The following ELP1 variants were observed in gnomAD, a reference collection of about 807,000 sequenced individuals.
ELP1 encodes elongator acetyltransferase complex subunit 1.
Under a neutral mutation model 183.2 loss-of-function variants are expected in ELP1, and 131 were observed. That is an observed-to-expected ratio of 0.72 (90% CI 0.62 to 0.83). ELP1 has a LOEUF of 0.83. Among genes scored for constraint, ELP1 ranks in the 40% least tolerant of loss-of-function variants. ELP1 has a pLI of 0.00. For missense variants in ELP1, 1,550 were observed against 1,594.9 expected (o/e 0.97, Z 0.48); for synonymous variants, 555 against 569.0 (o/e 0.98, Z 0.35).
intron 27 of ELP1, 134 bp from the exon 28 acceptor site, chr9:108,891,538 A>T (rs1564080357): frequency 1.3e-6 from 1 of 771,642 alleles, no homozygotes; most frequent in African/African-American, 1.7e-5. Context: ...ACAGTTGATC[A>T]GTTAGTACAG....
chr9:108,878,611 C>T lies in ELP1; in HGVS notation c.3700+12G>A. 1.2e-6 allele frequency: 2 copies of T among 1,614,200 alleles called. No homozygotes were observed. On this transcript the variant is annotated intron_variant, in intron 34 of 36. Transcript: ENST00000374647. ...TTGTGGTCAGGAATCATCATCAGGACTGAGAATATACCTTTCAGGTTTTCA... is the reference window on the plus strand; with the variant it reads ...TTGTGGTCAGGAATCATCATCAGGATTGAGAATATACCTTTCAGGTTTTCA...
chr9:108,917,725 G>T, intron 8 of ELP1, 55 bp from the exon 9 acceptor site: 1 of 1,593,164 alleles, frequency 6.3e-7, no homozygotes. Context: ...CTAAAGAATA[G>T]ATAAAATCCA....
intron 6 of ELP1, 87 bp downstream of exon 6, chr9:108,922,755 A>C: frequency 6.4e-6 from 6 of 931,714 alleles, no homozygotes; most frequent in Non-Finnish European, 1.1e-5. Context: ...CATTACTGGC[A>C]TCTAAGTGGA....
chr9:108,894,511 C>A (rs932787152), intron 25 of ELP1, among the ~76,000 whole-genome samples: 3 of 152,226 alleles, frequency 2.0e-5, no homozygotes, highest in Non-Finnish European at 4.4e-5. Flanking sequence ...GTGCAAGGGT[C>A]AGCTGAACAT....
At chr9:108,890,737 T>C (rs929919735) in intron 28 of ELP1, among the ~76,000 whole-genome samples, 1 of 152,216 alleles carries the variant, frequency 6.6e-6, no homozygotes, top group South Asian at 2.1e-4. Context: ...AATGGACCCA[T>C]CCAAAAATTC....
rs1829113255 is a variant in ELP1, at chr9:108,908,950, T to C, written c.1361-546A>G. Among the ~76,000 whole-genome samples the C allele has an allele frequency of 2.0e-5, 3 of 152,118 alleles. No homozygotes were observed. The South Asian group carries it at 6.2e-4, about 32-fold the overall frequency. ...CTCTGCTGCAGCCACCCTGGCCTCCTGGCTATTTCCTAAACACAACAGGCA... is the reference window on the plus strand; with the variant it reads ...CTCTGCTGCAGCCACCCTGGCCTCCCGGCTATTTCCTAAACACAACAGGCA... On this transcript the variant is annotated intron_variant, in intron 12 of 36. Transcript: ENST00000374647.
chr9:108,914,678 C>T (rs1248602325), intron 10 of ELP1, among the ~76,000 whole-genome samples: 5 of 152,056 alleles, frequency 3.3e-5, no homozygotes. Context: ...GGCTGGAGTG[C>T]AGTGGCACGA....
chr9:108,886,180 C>A (rs1359439911), intron 29 of ELP1, among the ~76,000 whole-genome samples: 1 of 152,078 alleles, frequency 6.6e-6, no homozygotes, highest in Non-Finnish European at 1.5e-5. Context: ...CCCATGTGGC[C>A]TCCTAGGTAA....
At position 108,901,661 on chromosome 9, in the gene ELP1, A is replaced by C; in HGVS notation, c.1875T>G (p.Thr625=). Residue 625 remains threonine, a synonymous_variant, in exon 17 of 37, where the codon ACT becomes ACG. Transcript: ENST00000374647. ...CATTGATGAAAAAGCGACACCTGTCAGTCAGACCAAGGACACATTCCTGCA... is the reference window on the plus strand; with the variant it reads ...CATTGATGAAAAAGCGACACCTGTCCGTCAGACCAAGGACACATTCCTGCA... ...IGEEECVLGL[T]DRCRFFINDI... 6.2e-7 allele frequency: 1 copy of C among 1,614,222 alleles called. No homozygotes were observed. The highest frequency in any genetic ancestry group is 8.5e-7 in the Non-Finnish European group (1 of 1,180,010).
At chr9:108,891,154 A>C (rs758354259) in intron 28 of ELP1, 49 bp downstream of exon 28, 3 of 1,576,338 alleles carry the variant, frequency 1.9e-6, no homozygotes, top group Non-Finnish European at 1.7e-6. Context: ...AAAAGAAATA[A>C]ATTTTTTAAA....
chr9:108,882,252 T>A (rs993213877), intron 29 of ELP1, 65 bp from the exon 30 acceptor site: 3 of 1,426,058 alleles, frequency 2.1e-6, no homozygotes, highest in Non-Finnish European at 2.9e-6. Context: ...CACAGCCAAC[T>A]ACAAAACTAA....
rs540241142 is a variant in ELP1, at chr9:108,928,608, A to T, written c.304-1155T>A. Among the ~76,000 whole-genome samples the T allele has an allele frequency of 2.6e-5, 4 of 152,330 alleles. No homozygotes were observed. In the South Asian group the frequency reaches 8.3e-4, roughly 32 times the overall value. Reference sequence around the variant, plus strand: ...GAGGCTAAAAAGGAATGTGGGGAACAGATAGTGAAAGGGGCTTATAAGGCA... The same window carrying T: ...GAGGCTAAAAAGGAATGTGGGGAACTGATAGTGAAAGGGGCTTATAAGGCA... On this transcript the variant is annotated intron_variant, in intron 3 of 36. Transcript: ENST00000374647.
intron 14 of ELP1, among the ~76,000 whole-genome samples, 155 bp from the exon 15 acceptor site, chr9:108,903,824 TACACACACACAC>T (rs3835305): frequency 7.3e-5 from 11 of 150,594 alleles, no homozygotes; most frequent in African/African-American, 2.4e-4. Context: ...CCCAATACTA[TACACACACACAC>T]ACACACACAC....
intron 5 of ELP1, among the ~76,000 whole-genome samples, chr9:108,924,901 A>C (rs925029515): frequency 3.9e-5 from 6 of 152,152 alleles, no homozygotes; most frequent in African/African-American, 1.2e-4. Flanking sequence ...TTCACCTTAC[A>C]TACGCAAAGC....
At chr9:108,882,427 C>T (rs111615057) in intron 29 of ELP1, among the ~76,000 whole-genome samples, 35 of 152,084 alleles carry the variant, frequency 2.3e-4, no homozygotes, top group African/African-American at 6.0e-4. Context: ...TCTCTCTGCA[C>T]GCCTGGACAT....
Position 108,916,301 on chromosome 9 carries a change from G to A in ELP1, c.865-4C>T. The A allele has an allele frequency of 6.2e-7, 1 of 1,610,718 alleles. No homozygotes were observed. ...CATTCCAGAGCAAGTCATTTACCTA[G>A]AAGGGAAAAAAGATCTGTCATTGGC... is the stretch of plus-strand genomic sequence containing the variant. On this transcript the variant is annotated splice_polypyrimidine_tract_variant and splice_region_variant and intron_variant, in intron 9 of 36. Transcript: ENST00000374647.
At chr9:108,903,824 TACACACACACACAC>T (rs3835305) in intron 14 of ELP1, among the ~76,000 whole-genome samples, 155 bp from the exon 15 acceptor site, 2 of 150,594 alleles carry the variant, frequency 1.3e-5, no homozygotes, top group Non-Finnish European at 3.0e-5. Flanking sequence ...CCCAATACTA[TACACACACACACAC>T]ACACACACAC....
At position 108,878,117 on chromosome 9, in the gene ELP1, G is replaced by A; in HGVS notation, c.3733C>T (p.Leu1245Phe). ...EVYHILKVLF[L>F]FEFDEQGREL... ...CTTCCTTGTTCATCAAACTCAAAGA[G>A]AAAGAGTACCTTTAAAATATGGTAT... The change falls in exon 35 of 37, where the codon CTC becomes TTC. Residue 1245 changes from leucine (L) to phenylalanine (F), a missense_variant. Transcript: ENST00000374647. 1 of 1,611,424 alleles carries A rather than the reference G, an allele frequency of 6.2e-7. No homozygotes were observed. Among genetic ancestry groups the A allele is most frequent in the Non-Finnish European group, 8.5e-7 (1 of 1,177,582 alleles).
In ELP1 at chr9:108,878,617, A is replaced by C. The variant is rs761423880; in HGVS notation, c.3700+6T>G. 2.5e-6 allele frequency: 4 copies of C among 1,614,178 alleles called. No individual in the cohort carries two copies. The South Asian group carries it at 3.3e-5, about 13-fold the overall frequency. On this transcript the variant is annotated splice_donor_region_variant and intron_variant, in intron 34 of 36. Transcript: ENST00000374647. ...TCAGGAATCATCATCAGGACTGAGA[A>C]TATACCTTTCAGGTTTTCAGTGTTC...
Sources: gnomAD v4.1 joint callset for allele counts (sites outside exome capture counted in the v4.1 genomes callset) on GRCh38, gnomAD v4.1.1 for gene constraint, MANE v1.5 for transcripts, NCBI Gene and HGNC (gene_info 2026-07-23, HGNC 2026-07-21) for gene names.